Variants in TMEM131 observed in about 807,000 individuals in gnomAD.
TMEM131 encodes the protein 2610524E03Rik.
Under a neutral mutation model 211.6 loss-of-function variants are expected in TMEM131, and 66 were observed. The observed-to-expected ratio is 0.31, with a 90% CI of 0.26 to 0.38. The LOEUF is 0.38. Ranked by LOEUF, TMEM131 falls within the 10% of genes least tolerant of loss-of-function variation. The pLI, the probability that TMEM131 is intolerant of heterozygous loss-of-function variation, is 1.00. For missense variants in TMEM131, 2,036 were observed against 2,299.3 expected (o/e 0.89, Z 2.34); for synonymous variants, 844 against 841.3 (o/e 1.00, Z -0.06).
At chr2:97,916,006 C>T (rs565426236) in intron 2 of TMEM131, among the ~76,000 whole-genome samples, 9 of 152,254 alleles carry the variant, frequency 5.9e-5, no homozygotes, top group East Asian at 1.9e-4. Context: ...CTCTGCCTCA[C>T]GAGATCAAGC....
intron 1 of TMEM131, among the ~76,000 whole-genome samples, chr2:97,947,884 T>C (rs1678117321): frequency 6.6e-6 from 1 of 152,120 alleles, no homozygotes; most frequent in Non-Finnish European, 1.5e-5. Flanking sequence ...GACCCCCACA[T>C]ATATGGTCAA....
intron 3 of TMEM131, chr2:97,907,389 A>T (rs1367821012): frequency 6.6e-6 from 1 of 152,244 alleles, no homozygotes; most frequent in East Asian, 1.9e-4. Context: ...TTTATGAGGT[A>T]AGAAGTTTTA....
At chr2:97,973,814 A>C (rs1027332674) in intron 1 of TMEM131, among the ~76,000 whole-genome samples, 1 of 152,236 alleles carries the variant, frequency 6.6e-6, no homozygotes, top group South Asian at 2.1e-4. Context: ...AATCAGTCCA[A>C]AACTGAACAA....
At chr2:97,975,623 G>T (rs1559485383) in intron 1 of TMEM131, among the ~76,000 whole-genome samples, 1 of 151,810 alleles carries the variant, frequency 6.6e-6, no homozygotes, top group South Asian at 2.1e-4. Context: ...TGAAATTGTG[G>T]TTAAAAAAAT....
At chr2:97,897,286 TA>T (rs893824046) in intron 3 of TMEM131, among the ~76,000 whole-genome samples, 1 of 152,108 alleles carries the variant, frequency 6.6e-6, no homozygotes, top group Non-Finnish European at 1.5e-5. Context: ...TGTCTTAATG[TA>T]ATGACTACCA....
In TMEM131 at chr2:97,833,333, T is replaced by C. The variant is rs6721250; in HGVS notation, c.1074+32A>G. 2.0e-5 allele frequency: 20 copies of C among 1,002,704 alleles called. No individual in the cohort carries two copies. In the South Asian group the frequency reaches 3.1e-4, roughly 15 times the overall value. 62.1% of individuals were successfully genotyped at this position (1,002,704 alleles called of 1,614,324 possible). A position where few individuals can be genotyped will look rare whatever the true frequency, so the allele number is the denominator to read the frequency against. ...CATACATTTAAAAACAAAGAATATA[T>C]AAATTAGGGGAAAAAAGAAGTAAAA... On this transcript the variant is annotated intron_variant, in intron 11 of 40. Transcript: ENST00000186436.
chr2:97,818,745 A>G (rs1417142164), intron 11 of TMEM131, 24 bp from the exon 12 acceptor site: 8 of 1,446,212 alleles, frequency 5.5e-6, no homozygotes, highest in Non-Finnish European at 7.7e-6. Flanking sequence ...AAAAATACAT[A>G]CATGGCATTA....
chr2:97,798,121 G>A (rs1253101537), intron 25 of TMEM131, among the ~76,000 whole-genome samples: 3 of 152,200 alleles, frequency 2.0e-5, no homozygotes, highest in African/African-American at 7.2e-5. Flanking sequence ...GGTTACACAC[G>A]CTTACTGTTT....
Position 97,841,819 on chromosome 2 carries a change from A to G in TMEM131, c.719T>C (p.Leu240Ser). 5 of 1,590,156 alleles carry G rather than the reference A, an allele frequency of 3.1e-6. No individual in the cohort carries two copies. The highest frequency in any genetic ancestry group is 4.3e-6 in the Non-Finnish European group (5 of 1,168,306). ...AAATTACCATCATAAACTCACCTGT[A>G]AAGGCTCACTGTGAGGATTGTGGAT... ...INIHNPHSEP[L>S]QVVEMYSSGG... The change falls in exon 7 of 41, where the codon TTA becomes TCA. Residue 240 changes from leucine (L) to serine (S), a missense_variant. Physicochemically the swap from Leu to Ser is moderately radical, Grantham distance 145. Transcript: ENST00000186436.
intron 1 of TMEM131, among the ~76,000 whole-genome samples, chr2:97,951,736 T>C (rs1190672858): frequency 6.6e-6 from 1 of 152,106 alleles, no homozygotes; most frequent in Non-Finnish European, 1.5e-5. Context: ...CCAACACACA[T>C]GCATGGAAAT....
chr2:97,884,738 C>A (rs1048171069), intron 4 of TMEM131, among the ~76,000 whole-genome samples: 1 of 152,160 alleles, frequency 6.6e-6, no homozygotes, highest in Non-Finnish European at 1.5e-5. Flanking sequence ...TAATGCTACT[C>A]CTGCTGGCTT....
At chr2:97,891,993 C>T (rs1164864542) in intron 3 of TMEM131, among the ~76,000 whole-genome samples, 2 of 152,090 alleles carry the variant, frequency 1.3e-5, no homozygotes, top group Non-Finnish European at 2.9e-5. Flanking sequence ...ATCAAAGTCA[C>T]CAGCAGTTTA....
At chr2:97,881,723 A>AAAGGGGG (rs1491361818) in intron 4 of TMEM131, among the ~76,000 whole-genome samples, 2 of 65,554 alleles carry the variant, frequency 3.1e-5, no homozygotes, top group Non-Finnish European at 5.2e-5. Context: ...AAAAAAAAAA[A>AAAGGGGG]GGGGGGGGGG....
intron 11 of TMEM131, among the ~76,000 whole-genome samples, chr2:97,825,563 C>T (rs1017363007): frequency 2.0e-5 from 3 of 152,196 alleles, no homozygotes; most frequent in African/African-American, 7.2e-5. Flanking sequence ...AGATACTCAT[C>T]TAGTAGAATA....
intron 18 of TMEM131, 99 bp downstream of exon 18, chr2:97,811,029 T>C (rs1386627183): frequency 3.3e-5 from 28 of 860,424 alleles, no homozygotes; most frequent in Non-Finnish European, 5.0e-5. Context: ...TGGTAAACTG[T>C]AACTCTGAGT....
intron 31 of TMEM131, among the ~76,000 whole-genome samples, chr2:97,786,603 C>T (rs564193417): frequency 4.6e-5 from 7 of 152,296 alleles, no homozygotes; most frequent in African/African-American, 1.7e-4. Context: ...TGGGGCTAAC[C>T]TCAGTGTGTG....
chr2:97,805,367 G>A lies in TMEM131; in HGVS notation c.2284+9C>T. 1.2e-6 allele frequency: 2 copies of A among 1,612,660 alleles called. No homozygotes were observed. Among genetic ancestry groups the A allele is most frequent in the Non-Finnish European group, 8.5e-7 (1 of 1,178,994 alleles). On this transcript the variant is annotated intron_variant, in intron 21 of 40. Coordinates refer to ENST00000186436, the MANE Select transcript of TMEM131 (RefSeq NM_015348.2). Reference sequence around the variant, plus strand: ...TGAAGACATGAGAGAGAACAGCAAGGTCACTTACATTTGGATAGAAAAGGC... The same window carrying A: ...TGAAGACATGAGAGAGAACAGCAAGATCACTTACATTTGGATAGAAAAGGC...
intron 4 of TMEM131, among the ~76,000 whole-genome samples, chr2:97,873,176 G>A (rs890878860): frequency 3.3e-5 from 5 of 152,210 alleles, no homozygotes; most frequent in African/African-American, 7.2e-5. Context: ...AGCTCAGCAC[G>A]GCCGCTGTGG....
chr2:97,957,408 A>G (rs992471852), intron 1 of TMEM131, among the ~76,000 whole-genome samples: 1 of 152,226 alleles, frequency 6.6e-6, no homozygotes, highest in Admixed American at 6.5e-5. Flanking sequence ...ACAACATTAT[A>G]TATTTTATTT....
Sources: gnomAD v4.1 joint callset for allele counts (sites outside exome capture counted in the v4.1 genomes callset) on GRCh38, gnomAD v4.1.1 for gene constraint, MANE v1.5 for transcripts, NCBI Gene and HGNC (gene_info 2026-07-23, HGNC 2026-07-21) for gene names.